The following PRH1 variants were observed in gnomAD, a reference collection of about 807,000 sequenced individuals.
The protein encoded by PRH1 is salivary acidic proline-rich phosphoprotein 1/2.
A neutral mutation model predicts 7.9 loss-of-function variants in PRH1; 7 were observed. That is an observed-to-expected ratio of 0.89 (90% confidence interval 0.50 to 1.67). PRH1 has a LOEUF of 1.67. PRH1 is among the 40% of genes most tolerant of loss of function. The probability of loss-of-function intolerance (pLI) is 0.00; values close to 1 mark genes in which losing one functional copy is unlikely to be tolerated. For synonymous variants in PRH1, 45 were observed against 80.8 expected, an observed-to-expected ratio of 0.56 and a Z score of 2.38; for missense variants, 109 against 223.6, an observed-to-expected ratio of 0.49 and a Z score of 3.27.
At chr12:11,170,320 G>A (rs538172669) in intron 1 of PRH1, among the ~76,000 whole-genome samples, 2 of 152,312 alleles carry the variant, frequency 1.3e-5, no homozygotes, top group South Asian at 4.1e-4. Flanking sequence ...GCTGAGGCGG[G>A]CAGATCACGA....
At chr12:11,048,860 G>A, upstream of PRH1, 1 of 274,782 alleles carries the variant, frequency 3.6e-6, no homozygotes, top group South Asian at 6.8e-5. Flanking sequence ...GGCCCCAACA[G>A]CATCACCAAA....
chr12:11,092,027 G>GA, intron 1 of PRH1: 1 of 1,487,856 alleles, frequency 6.7e-7, no homozygotes, highest in Non-Finnish European at 9.2e-7. Context: ...CAACACAGTT[G>GA]AATACCAGTT....
At chr12:11,103,118 T>C (rs1488972300) in intron 1 of PRH1, among the ~76,000 whole-genome samples, 1 of 152,156 alleles carries the variant, frequency 6.6e-6, no homozygotes, top group Non-Finnish European at 1.5e-5. Context: ...TCAAACATTG[T>C]GGAAGACAGT....
At chr12:11,131,145 G>C (rs1018489843) in intron 1 of PRH1, among the ~76,000 whole-genome samples, 2 of 152,232 alleles carry the variant, frequency 1.3e-5, no homozygotes, top group African/African-American at 4.8e-5. Flanking sequence ...CCCTGGCCAA[G>C]GGGAAACAGA....
At chr12:11,138,117 C>T (rs1054236120) in intron 1 of PRH1, among the ~76,000 whole-genome samples, 26 of 152,058 alleles carry the variant, frequency 1.7e-4, no homozygotes, top group African/African-American at 6.3e-4. Context: ...AAAGTGATCT[C>T]CAACAATTAG....
chr12:11,122,598 T>C (rs1945946549), intron 1 of PRH1, among the ~76,000 whole-genome samples: 1 of 152,392 alleles, frequency 6.6e-6, no homozygotes, highest in East Asian at 1.9e-4. Flanking sequence ...AAGAAAAACC[T>C]GTTGAAAAAT....
intron 1 of PRH1, among the ~76,000 whole-genome samples, chr12:11,141,577 T>C (rs1946705386): frequency 6.6e-6 from 1 of 152,204 alleles, no homozygotes; most frequent in Non-Finnish European, 1.5e-5. Flanking sequence ...ACAGACCTCA[T>C]TTTACAACTA....
rs1231452579 is a variant in PRH1 at position 11,095,812 on chromosome 12, AAATAAT to A, written n.124-48630_124-48625del. 1.7e-5 allele frequency among the ~76,000 whole-genome samples: 2 copies of A among 115,090 alleles called. 1 individual carries two copies. Among genetic ancestry groups the A allele is most frequent in the Non-Finnish European group, 4.1e-5 (2 of 48,908 alleles). 75.5% of individuals were successfully genotyped at this position (115,090 alleles called of 152,430 possible). A position where few individuals can be genotyped will look rare whatever the true frequency, so the allele number is the denominator to read the frequency against. On this transcript the variant is annotated intron_variant and non_coding_transcript_variant, in intron 1 of 4. Transcript: ENST00000541977. The stretch of plus-strand genomic sequence containing the variant: ...AGTGAGAATCCAACTCTACCAACAA[AAATAAT>A]AATAATAATAATTTTTCTTTTATCT...
intron 1 of PRH1, among the ~76,000 whole-genome samples, chr12:11,099,369 C>G (rs1273988642): frequency 2.2e-5 from 3 of 134,606 alleles, no homozygotes; most frequent in African/African-American, 7.3e-5. Flanking sequence ...CAAACTCTAT[C>G]TCCAAGATGC....
chr12:11,026,770 A>T (rs1941937377), intron 1 of PRH1, among the ~76,000 whole-genome samples: 1 of 152,220 alleles, frequency 6.6e-6, no homozygotes, highest in South Asian at 2.1e-4. Flanking sequence ...TGCTGTCTTC[A>T]CTAAGCAGAG....
chr12:11,063,216 A>C (rs1943686365), intron 1 of PRH1, among the ~76,000 whole-genome samples: 1 of 152,134 alleles, frequency 6.6e-6, no homozygotes, highest in African/African-American at 2.4e-5. Flanking sequence ...CAACCCTTTG[A>C]TATATAGTCT....
At chr12:10,954,494 G>T (rs1591722600) in intron 2 of PRH1, among the ~76,000 whole-genome samples, 1 of 148,058 alleles carries the variant, frequency 6.8e-6, no homozygotes, top group South Asian at 2.2e-4. Flanking sequence ...TTGAGTCAGG[G>T]TCTCACTCTG....
At chr12:11,091,115 CAT>C (rs1555163213) in intron 1 of PRH1, among the ~76,000 whole-genome samples, 589 of 25,112 alleles carry the variant, frequency 0.023, 127 homozygotes, top group African/African-American at 0.042. Flanking sequence ...CACACACACA[CAT>C]ATATATATAT....
intron 1 of PRH1, among the ~76,000 whole-genome samples, chr12:11,106,915 A>G (rs1945439269): frequency 6.6e-6 from 1 of 152,206 alleles, no homozygotes; most frequent in South Asian, 2.1e-4. Context: ...TTTCAATTTT[A>G]TCTGTCTAGT....
At chr12:11,061,924 C>T (rs761078116) in intron 1 of PRH1, 2 of 1,613,978 alleles carry the variant, frequency 1.2e-6, no homozygotes, top group South Asian at 1.1e-5. Flanking sequence ...ACTCTTAACT[C>T]TCCTCTTTAA....
At chr12:10,938,382 G>T in intron 2 of PRH1, 2 of 1,614,012 alleles carry the variant, frequency 1.2e-6, no homozygotes, top group Non-Finnish European at 1.7e-6. Context: ...ACACATGAGT[G>T]ACATGAAGGA....
chr12:11,106,600 G>A (rs1264429224), intron 1 of PRH1, among the ~76,000 whole-genome samples: 3 of 94,842 alleles, frequency 3.2e-5, no homozygotes, highest in Non-Finnish European at 7.7e-5. Context: ...TGAATATTTG[G>A]TTTTATTTTT....
intron 1 of PRH1, among the ~76,000 whole-genome samples, chr12:11,098,571 G>A (rs1258352022): frequency 6.6e-6 from 1 of 152,128 alleles, no homozygotes; most frequent in East Asian, 1.9e-4. Context: ...TCAGTTGTTT[G>A]GGAAGTTTTA....
At chr12:11,105,024 T>C (rs1945369546) in intron 1 of PRH1, among the ~76,000 whole-genome samples, 1 of 151,944 alleles carries the variant, frequency 6.6e-6, no homozygotes, top group South Asian at 2.1e-4. Context: ...TTATAAATTG[T>C]CTAACCTTTT....
Sources: allele counts gnomAD v4.1 joint callset (sites outside exome capture counted in the v4.1 genomes callset), GRCh38; gene constraint gnomAD v4.1.1; transcripts MANE v1.5; gene names NCBI Gene and HGNC (gene_info 2026-07-23, HGNC 2026-07-21).